The following PDE4B variants were observed in gnomAD, a reference collection of about 807,000 sequenced individuals.
PDE4B encodes the protein 3',5'-cyclic-AMP phosphodiesterase 4B.
In PDE4B, 20 loss-of-function variants were observed where a neutral mutation model predicts 82.2. That is an observed-to-expected ratio of 0.24 (90% CI 0.17 to 0.35). The LOEUF (loss-of-function observed/expected upper bound fraction) is 0.35, where lower values mean the gene tolerates loss of function less well. Ranked by LOEUF, PDE4B falls within the 10% of genes least tolerant of loss-of-function variation. The pLI is 1.00. For synonymous variants in PDE4B, 320 were observed against 318.9 expected, an observed-to-expected ratio of 1.00 and a Z score of -0.04; for missense variants, 655 against 907.2, an observed-to-expected ratio of 0.72 and a Z score of 3.57.
intron 3 of PDE4B, among the ~76,000 whole-genome samples, chr1:66,199,045 A>C (rs1453544187): frequency 6.6e-6 from 1 of 151,674 alleles, no homozygotes; most frequent in African/African-American, 2.4e-5. Flanking sequence ...AGTCTTTGCT[A>C]TTGTGAATAA....
intron 3 of PDE4B, among the ~76,000 whole-genome samples, chr1:65,959,435 T>A (rs1267654200): frequency 6.6e-6 from 1 of 152,150 alleles, no homozygotes; most frequent in Non-Finnish European, 1.5e-5. Context: ...ACAAAGTCCA[T>A]GAGCTTCCTG....
intron 3 of PDE4B, among the ~76,000 whole-genome samples, chr1:65,932,125 C>T (rs948349216): frequency 5.9e-5 from 9 of 151,782 alleles, no homozygotes; most frequent in Non-Finnish European, 1.3e-4. Flanking sequence ...TTTTGGGGTA[C>T]TTATGGGACC....
At chr1:66,177,801 T>G (rs575617299) in intron 3 of PDE4B, among the ~76,000 whole-genome samples, 117 of 152,336 alleles carry the variant, frequency 7.7e-4, no homozygotes, top group African/African-American at 2.7e-3. Flanking sequence ...AGGAATGCCC[T>G]GAAGCCTTTC....
At chr1:66,315,784 C>T (rs1301459729) in intron 7 of PDE4B, among the ~76,000 whole-genome samples, 5 of 152,162 alleles carry the variant, frequency 3.3e-5, no homozygotes, top group Admixed American at 2.0e-4. Flanking sequence ...TTACCATTAG[C>T]AACTTCAGTG....
At chr1:65,946,783 C>T (rs968566081) in intron 3 of PDE4B, among the ~76,000 whole-genome samples, 2 of 151,990 alleles carry the variant, frequency 1.3e-5, no homozygotes, top group East Asian at 1.9e-4. Flanking sequence ...GCCTGGGGCT[C>T]CTCTCAAAAG....
intron 3 of PDE4B, among the ~76,000 whole-genome samples, chr1:66,243,318 A>G (rs1209100584): frequency 1.3e-5 from 2 of 152,188 alleles, no homozygotes; most frequent in African/African-American, 4.8e-5. Context: ...AGTAAGTTAT[A>G]GTATATTTTA....
chr1:66,267,799 C>G (rs1655164658), intron 7 of PDE4B, among the ~76,000 whole-genome samples: 1 of 152,090 alleles, frequency 6.6e-6, no homozygotes, highest in African/African-American at 2.4e-5. Flanking sequence ...TAACGTTTAG[C>G]CACGGTTAGA....
chr1:66,353,276 G>A (rs759041838), intron 8 of PDE4B, among the ~76,000 whole-genome samples: 1 of 152,166 alleles, frequency 6.6e-6, no homozygotes, highest in Admixed American at 6.5e-5. Context: ...ACACACATAC[G>A]CAAGCAGGGT....
intron 3 of PDE4B, among the ~76,000 whole-genome samples, chr1:66,234,090 A>T (rs1245633157): frequency 6.6e-6 from 1 of 152,182 alleles, no homozygotes; most frequent in South Asian, 2.1e-4. Flanking sequence ...AATTTTTTAA[A>T]TATTTCGGGC....
chr1:66,109,502 T>C (rs1645438802), intron 3 of PDE4B, among the ~76,000 whole-genome samples: 1 of 151,880 alleles, frequency 6.6e-6, no homozygotes, highest in Non-Finnish European at 1.5e-5. Flanking sequence ...TCCAAGAAGT[T>C]TTAAGCACAT....
chr1:65,811,973 C>CA (rs965532753), intron 1 of PDE4B, among the ~76,000 whole-genome samples: 2 of 150,956 alleles, frequency 1.3e-5, no homozygotes, highest in Non-Finnish European at 1.5e-5. Context: ...ACAAACAAAC[C>CA]AAAAAAAACC....
At chr1:66,027,005 G>C (rs1401698686) in intron 3 of PDE4B, among the ~76,000 whole-genome samples, 1 of 152,194 alleles carries the variant, frequency 6.6e-6, no homozygotes. Context: ...GTTTGTGCCA[G>C]TGTTACTGTG....
chr1:66,077,031 GT>G (rs1656470161), intron 3 of PDE4B, among the ~76,000 whole-genome samples: 1 of 151,970 alleles, frequency 6.6e-6, no homozygotes, highest in South Asian at 2.1e-4. Context: ...GGTCTTACTT[GT>G]TAATTTTTGT....
intron 3 of PDE4B, among the ~76,000 whole-genome samples, chr1:66,167,640 A>C (rs1646760996): frequency 6.6e-6 from 1 of 152,246 alleles, no homozygotes; most frequent in South Asian, 2.1e-4. Context: ...TTAATAAAGC[A>C]GTTATTTAAA....
At chr1:65,955,529 G>C (rs1649213006) in intron 3 of PDE4B, among the ~76,000 whole-genome samples, 1 of 152,148 alleles carries the variant, frequency 6.6e-6, no homozygotes, top group South Asian at 2.1e-4. Flanking sequence ...ACTCACACAA[G>C]TGAAAAACTG....
chr1:65,970,171 A>G (rs182880361), intron 3 of PDE4B, among the ~76,000 whole-genome samples: 1 of 151,920 alleles, frequency 6.6e-6, no homozygotes, highest in Admixed American at 6.6e-5. Context: ...GGTTTAAAAT[A>G]TATTTAATTG....
intron 7 of PDE4B, among the ~76,000 whole-genome samples, chr1:66,297,874 A>G (rs1406507311): frequency 6.6e-6 from 1 of 152,098 alleles, no homozygotes; most frequent in African/African-American, 2.4e-5. Flanking sequence ...AAATGATCCA[A>G]TTTATTAGTC....
chr1:65,874,412 T>C (rs894336746), intron 1 of PDE4B, among the ~76,000 whole-genome samples: 7 of 152,136 alleles, frequency 4.6e-5, no homozygotes, highest in African/African-American at 1.4e-4. Context: ...CCTTTATTTC[T>C]TTCTCCTGCC....
chr1:66,231,995 T>A (rs529838538), intron 3 of PDE4B, among the ~76,000 whole-genome samples: 1 of 152,194 alleles, frequency 6.6e-6, no homozygotes, highest in Non-Finnish European at 1.5e-5. Flanking sequence ...GGGAATGAAA[T>A]TGGGGACTGT....
Sources: gnomAD v4.1 joint callset for allele counts (sites outside exome capture counted in the v4.1 genomes callset) on GRCh38, gnomAD v4.1.1 for gene constraint, MANE v1.5 for transcripts, NCBI Gene and HGNC (gene_info 2026-07-23, HGNC 2026-07-21) for gene names.